The following TRERF1 variants were observed in gnomAD, a reference collection of about 807,000 sequenced individuals.
The protein encoded by TRERF1 is transcriptional-regulating factor 1.
A neutral mutation model predicts 122.9 loss-of-function variants in TRERF1; 27 were observed. The ratio of observed to expected loss-of-function variants is 0.22; its 90% CI spans 0.16 to 0.30. TRERF1 has a LOEUF of 0.30. Among genes scored for constraint, TRERF1 ranks in the 10% least tolerant of loss-of-function variants. The pLI is 1.00. For synonymous variants in TRERF1, 636 were observed against 641.7 expected, an observed-to-expected ratio of 0.99 and a Z score of 0.13; for missense variants, 1,248 against 1,560.3, an observed-to-expected ratio of 0.80 and a Z score of 3.37.
Position 42,273,063 on chromosome 6 carries a change from G to C in TRERF1, c.-258-3215C>G, listed in dbSNP as rs1884314. Among the ~76,000 whole-genome samples, 14 of 152,034 alleles carry C rather than the reference G, an allele frequency of 9.2e-5. No individual in the cohort carries two copies. In the East Asian group the frequency reaches 1.7e-3, roughly 19 times the overall value. On this transcript the variant is annotated intron_variant, in intron 4 of 17. Coordinates refer to ENST00000372922, the Ensembl canonical transcript of TRERF1. ...TTGGAGAGCTCTTCCCCTCCTCCCC[G>C]CCACTGGGTATCCTTCAGATCTCAG...
intron 4 of TRERF1, among the ~76,000 whole-genome samples, chr6:42,285,822 C>A (rs1272665824): frequency 6.6e-6 from 1 of 151,584 alleles, no homozygotes. Flanking sequence ...CAAAAAAGAG[C>A]CCGCATCGCC....
intron 4 of TRERF1, among the ~76,000 whole-genome samples, chr6:42,289,358 CA>C (rs200688006): frequency 7.3e-6 from 1 of 137,628 alleles, no homozygotes; most frequent in African/African-American, 2.7e-5. Flanking sequence ...AAAAAAAAAA[CA>C]AAAAAAAACA....
At chr6:42,305,123 AAGTG>A (rs1198070070) in intron 3 of TRERF1, among the ~76,000 whole-genome samples, 1 of 152,182 alleles carries the variant, frequency 6.6e-6, no homozygotes, top group East Asian at 1.9e-4. Context: ...ACCATTCTAC[AAGTG>A]AGGAAGCCGA....
At chr6:42,402,822 C>T (rs759666792) in intron 2 of TRERF1, among the ~76,000 whole-genome samples, 1 of 152,146 alleles carries the variant, frequency 6.6e-6, no homozygotes, top group Non-Finnish European at 1.5e-5. Flanking sequence ...CTTTACATAC[C>T]TTTTCTCATT....
chr6:42,364,728 G>C lies in TRERF1; in HGVS notation c.-453-1649C>G, dbSNP rs568152090. 7.2e-5 allele frequency among the ~76,000 whole-genome samples: 11 copies of C among 152,358 alleles called. No individual in the cohort carries two copies. In the South Asian group the frequency reaches 2.3e-3, roughly 32 times the overall value. Reference sequence around the variant, plus strand: ...GCAAACCCACCGGGTCCCTGCTCTGGACCAGGCATAAGCCCCCACCAGTGG... The same window carrying C: ...GCAAACCCACCGGGTCCCTGCTCTGCACCAGGCATAAGCCCCCACCAGTGG... On this transcript the variant is annotated intron_variant, in intron 2 of 17. Transcript: ENST00000372922.
At chr6:42,380,124 A>G (rs1775660580) in intron 2 of TRERF1, among the ~76,000 whole-genome samples, 1 of 151,672 alleles carries the variant, frequency 6.6e-6, no homozygotes, top group African/African-American at 2.4e-5. Context: ...CAGGCAAAGG[A>G]TCAGCAAGTG....
intron 4 of TRERF1, among the ~76,000 whole-genome samples, chr6:42,300,291 G>A (rs1478567759): frequency 1.3e-5 from 2 of 152,182 alleles, no homozygotes; most frequent in Non-Finnish European, 2.9e-5. Context: ...CGTGGACTGA[G>A]TAATCTTTCC....
At chr6:42,407,691 T>C (rs183241974) in intron 2 of TRERF1, among the ~76,000 whole-genome samples, 2 of 152,134 alleles carry the variant, frequency 1.3e-5, no homozygotes, top group African/African-American at 4.8e-5. Flanking sequence ...ATTTCCTCTT[T>C]TTACTACAGA....
At chr6:42,434,727 T>C (rs1016983777) in intron 2 of TRERF1, among the ~76,000 whole-genome samples, 1 of 149,062 alleles carries the variant, frequency 6.7e-6, no homozygotes, top group African/African-American at 2.5e-5. Flanking sequence ...ATAGGAGTTA[T>C]TCATGTAGAA....
intron 3 of TRERF1, among the ~76,000 whole-genome samples, chr6:42,319,830 AT>A (rs1404207323): frequency 7.7e-5 from 11 of 142,320 alleles, no homozygotes; most frequent in East Asian, 4.2e-4. Context: ...AAAAAAAAAA[AT>A]GGTGCATTCA....
chr6:42,446,149 G>A (rs983891457), intron 2 of TRERF1, among the ~76,000 whole-genome samples: 1 of 152,186 alleles, frequency 6.6e-6, no homozygotes, highest in African/African-American at 2.4e-5. Flanking sequence ...CCTGACCTCA[G>A]GCTATCCACC....
intron 2 of TRERF1, among the ~76,000 whole-genome samples, chr6:42,403,939 C>CG (rs11462455): frequency 0.02 from 3,006 of 152,216 alleles, 103 homozygotes; most frequent in African/African-American, 0.069. Context: ...AGACCCCCCC[C>CG]AGGCCTTGCC....
At chr6:42,446,958 T>C (rs1446454855) in intron 2 of TRERF1, among the ~76,000 whole-genome samples, 2 of 152,122 alleles carry the variant, frequency 1.3e-5, no homozygotes, top group South Asian at 2.1e-4. Context: ...TGAGCTGAGA[T>C]TGAGCCACAG....
chr6:42,321,355 A>G (rs960897437), intron 3 of TRERF1, among the ~76,000 whole-genome samples: 1 of 151,998 alleles, frequency 6.6e-6, no homozygotes, highest in Non-Finnish European at 1.5e-5. Context: ...AGAATAGAGG[A>G]CCCTGGGAGA....
intron 3 of TRERF1, among the ~76,000 whole-genome samples, chr6:42,360,606 T>C (rs894553802): frequency 1.3e-5 from 2 of 151,806 alleles, no homozygotes; most frequent in African/African-American, 4.8e-5. Context: ...TGGTACAGTA[T>C]GGTGGATGTC....
At chr6:42,369,834 C>T (rs1388084771) in intron 2 of TRERF1, among the ~76,000 whole-genome samples, 1 of 152,162 alleles carries the variant, frequency 6.6e-6, no homozygotes, top group Non-Finnish European at 1.5e-5. Context: ...CACCCTGCTC[C>T]TTATGACAAA....
chr6:42,419,056 A>C (rs1782354002), intron 2 of TRERF1, among the ~76,000 whole-genome samples: 1 of 152,218 alleles, frequency 6.6e-6, no homozygotes, highest in African/African-American at 2.4e-5. Flanking sequence ...GGGTCAAGGG[A>C]AAATGCACTT....
chr6:42,240,010 C>T (rs1773290195), intron 15 of TRERF1, among the ~76,000 whole-genome samples: 1 of 151,996 alleles, frequency 6.6e-6, no homozygotes, highest in Admixed American at 6.5e-5. Flanking sequence ...CTTGGGCACC[C>T]TCTTACCCTC....
chr6:42,261,484 T>C (rs1329353986), intron 8 of TRERF1, among the ~76,000 whole-genome samples: 1 of 152,014 alleles, frequency 6.6e-6, no homozygotes, highest in African/African-American at 2.4e-5. Flanking sequence ...ACCAAGCTAT[T>C]TGGACACTTT....
Sources: allele counts gnomAD v4.1 joint callset (sites outside exome capture counted in the v4.1 genomes callset), GRCh38; gene constraint gnomAD v4.1.1; transcripts MANE v1.5; gene names NCBI Gene and HGNC (gene_info 2026-07-23, HGNC 2026-07-21).